Variants in CAMTA1 observed in about 807,000 individuals in gnomAD.
CAMTA1 encodes the protein calmodulin binding transcription activator 1.
In CAMTA1, 27 loss-of-function variants were observed where a neutral mutation model predicts 170.9. The observed-to-expected ratio is 0.16, with a 90% CI of 0.12 to 0.22. The LOEUF (loss-of-function observed/expected upper bound fraction) is 0.22, where lower values mean the gene tolerates loss of function less well. Among genes scored for constraint, CAMTA1 ranks in the 10% least tolerant of loss-of-function variants. The pLI is 1.00. For missense variants in CAMTA1, 1,619 were observed against 2,217.2 expected (o/e 0.73, Z 5.42); for synonymous variants, 833 against 891.5 (o/e 0.93, Z 1.17).
At chr1:7,643,097 T>C (rs2095777694) in intron 7 of CAMTA1, among the ~76,000 whole-genome samples, 1 of 151,312 alleles carries the variant, frequency 6.6e-6, no homozygotes, top group African/African-American at 2.5e-5. Flanking sequence ...GTCCAGGTGC[T>C]TCTGAAGCTC....
intron 11 of CAMTA1, among the ~76,000 whole-genome samples, chr1:7,729,434 TC>T (rs774825274): frequency 2.0e-4 from 31 of 152,164 alleles, no homozygotes; most frequent in Non-Finnish European, 4.0e-4. Context: ...ATATCAAGAT[TC>T]TTAAAAAGCA....
rs1704471234 is a variant in CAMTA1 at position 7,041,577 on chromosome 1, A to C, written c.235-49727A>C. 6.6e-6 allele frequency among the ~76,000 whole-genome samples: 1 copy of C among 152,252 alleles called. No homozygotes were observed. The highest frequency in any genetic ancestry group is 6.5e-5 in the Admixed American group (1 of 15,288). On this transcript the variant is annotated intron_variant, in intron 3 of 22. Coordinates refer to ENST00000303635, the MANE Select transcript of CAMTA1 (RefSeq NM_015215.4). The surrounding 1 kb of genome is among the most constrained non-coding windows in gnomAD (Gnocchi z 5.1). ...ATGCTGAAAAGACAGTTCTGTAGAAATGTGAAACATTATTATGTTATAGAA... is the reference window on the plus strand; with the variant it reads ...ATGCTGAAAAGACAGTTCTGTAGAACTGTGAAACATTATTATGTTATAGAA...
chr1:7,663,818 C>T lies in CAMTA1; in HGVS notation c.1271C>T (p.Ser424Leu). 6.2e-7 allele frequency: 1 copy of T among 1,614,186 alleles called. No individual in the cohort carries two copies. The highest frequency in any genetic ancestry group is 1.1e-5 in the South Asian group (1 of 91,088). ...GCTGGCCCCAACCACCACCTCCTCT[C>T]ACCTGACGCCTCTCAGGGCCTCGTC... ...PTAGPNHHLL[S>L]PDASQGLVLA... Residue 424 changes from serine (S) to leucine (L), a missense_variant, in exon 9 of 23, where the codon TCA becomes TTA. By Grantham distance (145) the Ser-to-Leu change is moderately radical. Around this residue, in one of 8 missense-constraint regions of CAMTA1, gnomAD observed 731 missense variants for 907.6 expected, o/e 0.81. Transcript: ENST00000303635.
At chr1:6,920,774 A>G (rs1160263340) in intron 3 of CAMTA1, among the ~76,000 whole-genome samples, 2 of 152,218 alleles carry the variant, frequency 1.3e-5, no homozygotes, top group Non-Finnish European at 2.9e-5. Flanking sequence ...CACCCTCTGA[A>G]GCAACAGCCT....
chr1:7,510,246 G>A (rs1274450988), intron 6 of CAMTA1, among the ~76,000 whole-genome samples: 1 of 142,840 alleles, frequency 7.0e-6, no homozygotes, highest in Non-Finnish European at 1.6e-5. Flanking sequence ...GGTCTAAGGA[G>A]TTTGTAAAAA....
chr1:7,192,338 C>A (rs1654688342), intron 4 of CAMTA1, among the ~76,000 whole-genome samples: 4 of 152,224 alleles, frequency 2.6e-5, no homozygotes, highest in Admixed American at 2.0e-4. Flanking sequence ...TGACGCTTGG[C>A]CTTTGGTTGG....
rs558428758 is a variant in CAMTA1, at chr1:7,234,035, T to C, written c.303-15456T>C. 6.6e-6 allele frequency among the ~76,000 whole-genome samples: 1 copy of C among 152,328 alleles called. No homozygotes were observed. The highest frequency in any genetic ancestry group is 1.5e-5 in the Non-Finnish European group (1 of 68,030). ...ATTTTATGCTACATTTGTATTAAGA[T>C]TGGAGTCCTCGCTTTTCCTTCATCG... On this transcript the variant is annotated intron_variant, in intron 4 of 22. Transcript: ENST00000303635. This position sits in a 1 kb window ranked among gnomAD's most constrained non-coding sequence, Gnocchi z 5.0.
At chr1:7,352,239 G>A (rs2084739544) in intron 5 of CAMTA1, among the ~76,000 whole-genome samples, 2 of 152,188 alleles carry the variant, frequency 1.3e-5, no homozygotes, top group Admixed American at 1.3e-4. Flanking sequence ...GGTGGTAACT[G>A]CATCAGCATT....
chr1:6,947,301 C>G (rs1246779064), intron 3 of CAMTA1, among the ~76,000 whole-genome samples: 1 of 151,898 alleles, frequency 6.6e-6, no homozygotes, highest in Non-Finnish European at 1.5e-5. Flanking sequence ...TGTTTCAAGA[C>G]TGTTTATTAT....
intron 11 of CAMTA1, among the ~76,000 whole-genome samples, chr1:7,707,112 C>G (rs1354040179): frequency 1.3e-5 from 2 of 152,008 alleles, no homozygotes; most frequent in African/African-American, 4.8e-5. Context: ...TCTTGAACTC[C>G]TGACCTTGTG....
chr1:6,973,622 C>CT (rs1280499584), intron 3 of CAMTA1, among the ~76,000 whole-genome samples: 1 of 152,146 alleles, frequency 6.6e-6, no homozygotes, highest in African/African-American at 2.4e-5. Flanking sequence ...TCAGATATGA[C>CT]TTGTTTTGGA....
chr1:7,145,514 C>T (rs1019274602), intron 4 of CAMTA1, among the ~76,000 whole-genome samples: 9 of 152,164 alleles, frequency 5.9e-5, no homozygotes, highest in African/African-American at 2.2e-4. Context: ...CCAGAGAAGC[C>T]ACTGGGCTTG....
intron 6 of CAMTA1, among the ~76,000 whole-genome samples, chr1:7,474,155 G>C (rs949935241): frequency 7.9e-6 from 1 of 127,228 alleles, no homozygotes; most frequent in African/African-American, 3.0e-5. Context: ...GTGTGACACT[G>C]GGCAGTTTGT....
At chr1:7,677,456 G>A in intron 10 of CAMTA1, 143 bp from the exon 11 acceptor site, 1 of 963,382 alleles carries the variant, frequency 1.0e-6, no homozygotes, top group African/African-American at 1.6e-5. Context: ...GGCCTCGAAT[G>A]AGCAGGCATA....
chr1:6,907,165 T>C (rs994704094), intron 3 of CAMTA1, among the ~76,000 whole-genome samples: 2 of 152,242 alleles, frequency 1.3e-5, no homozygotes, highest in Admixed American at 6.5e-5. Context: ...TGGTTTCTGC[T>C]GTGTCCTTGA....
At chr1:6,953,265 T>C (rs2149484918) in intron 3 of CAMTA1, among the ~76,000 whole-genome samples, 1 of 152,276 alleles carries the variant, frequency 6.6e-6, no homozygotes, top group South Asian at 2.1e-4. Flanking sequence ...TTCTAGAAAC[T>C]GTCGAGAGCT....
intron 5 of CAMTA1, among the ~76,000 whole-genome samples, chr1:7,322,145 G>A (rs184559885): frequency 2.2e-4 from 33 of 152,290 alleles, no homozygotes; most frequent in African/African-American, 7.7e-4. Context: ...TTTTGAGCCC[G>A]GTGTCTGACT....
intron 7 of CAMTA1, among the ~76,000 whole-genome samples, chr1:7,654,653 T>TAC (rs1397806721): frequency 2.7e-5 from 2 of 73,774 alleles, no homozygotes; most frequent in Admixed American, 1.8e-4. Context: ...AGCACACACC[T>TAC]ATACACACAC....
chr1:6,955,872 G>A (rs906894873), intron 3 of CAMTA1, among the ~76,000 whole-genome samples: 3 of 152,170 alleles, frequency 2.0e-5, no homozygotes, highest in Non-Finnish European at 2.9e-5. Flanking sequence ...GGCTGTCAGA[G>A]GGATTTTCTC....
Sources: allele counts gnomAD v4.1 joint callset (sites outside exome capture counted in the v4.1 genomes callset), GRCh38; gene constraint gnomAD v4.1.1; regional missense constraint gnomAD v4.1.1; non-coding constraint Gnocchi (gnomAD v3.1); transcripts MANE v1.5; gene names NCBI Gene and HGNC (gene_info 2026-07-23, HGNC 2026-07-21).